Variants in PIEZO2 observed in about 807,000 individuals in gnomAD.
PIEZO2 encodes piezo type mechanosensitive ion channel component 2, also known as piezo-type mechanosensitive ion channel component 2.
In PIEZO2, 172 loss-of-function variants were observed where a neutral mutation model predicts 337.3. The ratio of observed to expected loss-of-function variants is 0.51; its 90% CI spans 0.45 to 0.58. The LOEUF (loss-of-function observed/expected upper bound fraction) is 0.58. Among genes scored for constraint, PIEZO2 ranks in the 20% least tolerant of loss-of-function variants. The pLI, the probability that PIEZO2 is intolerant of heterozygous loss-of-function variation, is 0.00. For missense variants in PIEZO2, 3,028 were observed against 3,391.3 expected (o/e 0.89, Z 2.66); for synonymous variants, 1,251 against 1,228.5 (o/e 1.02, Z -0.38).
chr18:10,807,116 G>C lies in PIEZO2; in HGVS notation c.1076C>G (p.Pro359Arg). 6.5e-7 allele frequency: 1 copy of C among 1,534,712 alleles called. No homozygotes were observed. Among genetic ancestry groups the C allele is most frequent in the Non-Finnish European group, 8.7e-7 (1 of 1,145,750 alleles). The change falls in exon 8 of 56, where the codon CCC becomes CGC. Residue 359 changes from proline (P) to arginine (R), a missense_variant. By Grantham distance (103) the Pro-to-Arg change is moderately radical. Around this residue, in one of 5 missense-constraint regions of PIEZO2, gnomAD observed 542 missense variants for 605.6 expected, o/e 0.89. Transcript: ENST00000674853. ...TGAAAATGTTTTTGTCCTTACAAGGGGCTCTTGCAGCCAGATGCGGATCAG... is the reference window on the plus strand; with the variant it reads ...TGAAAATGTTTTTGTCCTTACAAGGCGCTCTTGCAGCCAGATGCGGATCAG... ...ATLIRIWLQE[P>R]LVQDEGTKEE... is the part of the protein sequence containing the mutation.
intron 17 of PIEZO2, among the ~76,000 whole-genome samples, chr18:10,780,787 C>T (rs1278853938): frequency 6.6e-6 from 1 of 151,432 alleles, no homozygotes; most frequent in East Asian, 2.0e-4. Flanking sequence ...CTTAGCCTCC[C>T]AAGTGGCTGG....
intron 7 of PIEZO2, among the ~76,000 whole-genome samples, chr18:10,852,910 T>C (rs1315127589): frequency 6.6e-6 from 1 of 152,076 alleles, no homozygotes; most frequent in Non-Finnish European, 1.5e-5. Context: ...TTTTACACTG[T>C]TTCTCTAAAA....
chr18:11,058,295 CCAT>C (rs2037802596), intron 2 of PIEZO2, among the ~76,000 whole-genome samples: 1 of 152,066 alleles, frequency 6.6e-6, no homozygotes, highest in African/African-American at 2.4e-5. Context: ...CACCAAAACC[CCAT>C]CATCAAAGAC....
At chr18:10,844,813 C>T (rs1167562935) in intron 7 of PIEZO2, among the ~76,000 whole-genome samples, 1 of 148,630 alleles carries the variant, frequency 6.7e-6, no homozygotes, top group African/African-American at 2.5e-5. Context: ...AAAGTACCTA[C>T]CTCATAGGGT....
intron 29 of PIEZO2, among the ~76,000 whole-genome samples, chr18:10,749,160 A>G (rs933613154): frequency 1.3e-5 from 2 of 152,242 alleles, no homozygotes; most frequent in African/African-American, 2.4e-5. Context: ...TAAAAAAAAA[A>G]TTAATCTTTT....
intron 2 of PIEZO2, among the ~76,000 whole-genome samples, chr18:11,054,875 C>T (rs541387677): frequency 6.6e-6 from 1 of 152,244 alleles, no homozygotes; most frequent in Non-Finnish European, 1.5e-5. Context: ...GCACTCCTGC[C>T]TGAGAAACTG....
At chr18:10,697,723 A>G in intron 45 of PIEZO2, 25 bp downstream of exon 45, 1 of 1,609,422 alleles carries the variant, frequency 6.2e-7, no homozygotes. Flanking sequence ...TAAAGCACAC[A>G]TGCCATATGT....
intron 21 of PIEZO2, among the ~76,000 whole-genome samples, chr18:10,768,259 T>A (rs2038449943): frequency 6.6e-6 from 1 of 152,152 alleles, no homozygotes; most frequent in Non-Finnish European, 1.5e-5. Flanking sequence ...TAGGATTTTG[T>A]ATTTCTTAGG....
intron 2 of PIEZO2, among the ~76,000 whole-genome samples, chr18:11,055,437 G>A (rs2037695164): frequency 6.6e-6 from 1 of 152,126 alleles, no homozygotes; most frequent in South Asian, 2.1e-4. Context: ...GGGTATGTCA[G>A]CTTTAGTTAA....
chr18:10,702,215 G>T, intron 42 of PIEZO2, 44 bp from the exon 43 acceptor site: 1 of 1,501,010 alleles, frequency 6.7e-7, no homozygotes, highest in Non-Finnish European at 8.9e-7. Flanking sequence ...CTCCTTTTAG[G>T]AATAGATATA....
At chr18:10,725,423 C>G (rs2036494731) in intron 36 of PIEZO2, 1 of 1,602,940 alleles carries the variant, frequency 6.2e-7, no homozygotes, top group Non-Finnish European at 8.5e-7. Context: ...CCAGAGCCCG[C>G]CAGTACTGGT....
At chr18:11,066,495 A>T (rs549843206) in intron 1 of PIEZO2, among the ~76,000 whole-genome samples, 115 of 152,370 alleles carry the variant, frequency 7.5e-4, no homozygotes, top group African/African-American at 2.6e-3. Context: ...AACTATTGAA[A>T]ATAATAATAG....
At position 10,940,912 on chromosome 18, in the gene PIEZO2, T is replaced by C. The variant is rs1406355882; in HGVS notation, c.287-29684A>G. On this transcript the variant is annotated intron_variant, in intron 3 of 55. Transcript: ENST00000674853. The surrounding 1 kb of genome is among the most constrained non-coding windows in gnomAD (Gnocchi z 5.3). ...ATATATTTTCATGGTTACCCATTAC[T>C]ATAGCAAGGTTATAGAGAAAATATA... Among the ~76,000 whole-genome samples, 2 of 152,174 alleles carry C rather than the reference T, an allele frequency of 1.3e-5. No homozygotes were observed. Among genetic ancestry groups the C allele is most frequent in the African/African-American group, 4.8e-5 (2 of 41,436 alleles).
rs1056245480 is a variant in PIEZO2, at chr18:10,853,251, G to A, written c.917+2102C>T. Among the ~76,000 whole-genome samples the A allele has an allele frequency of 6.6e-6, 1 of 152,210 alleles. No homozygotes were observed. The highest frequency in any genetic ancestry group is 2.1e-4 in the South Asian group (1 of 4,836). ...CCCCCAGGGAAGAATCAGGGGAAAA[G>A]GGGCCCAAGACCCCGGAATCAAGCC... On this transcript the variant is annotated intron_variant, in intron 7 of 55. Transcript: ENST00000674853. This position sits in a 1 kb window ranked among gnomAD's most constrained non-coding sequence, Gnocchi z 4.2.
intron 7 of PIEZO2, among the ~76,000 whole-genome samples, chr18:10,811,363 G>A (rs2040184224): frequency 6.6e-6 from 1 of 152,146 alleles, no homozygotes. Context: ...CTTCCAAAAA[G>A]GGTGTATGTC....
At chr18:10,924,738 A>C (rs574009433) in intron 3 of PIEZO2, among the ~76,000 whole-genome samples, 2 of 152,282 alleles carry the variant, frequency 1.3e-5, no homozygotes, top group South Asian at 2.1e-4. Flanking sequence ...ATTTCAATGG[A>C]GCATTCTCAG....
intron 7 of PIEZO2, among the ~76,000 whole-genome samples, chr18:10,807,647 G>A (rs1357131671): frequency 6.6e-6 from 1 of 152,154 alleles, no homozygotes; most frequent in African/African-American, 2.4e-5. Context: ...GAAATGCCAA[G>A]TATGTGGTAA....
Position 11,048,323 on chromosome 18 carries a change from C to T in PIEZO2, c.160+17804G>A, listed in dbSNP as rs143013723. On this transcript the variant is annotated intron_variant, in intron 2 of 55. Transcript: ENST00000674853. This position sits in a 1 kb window ranked among gnomAD's most constrained non-coding sequence, Gnocchi z 4.5. The stretch of plus-strand genomic sequence containing the variant: ...CACAAGATTGAAAAGACCTGTCTTA[C>T]GGTTACTCATGGCTCTGGGGCCAAG... 1.4e-3 allele frequency among the ~76,000 whole-genome samples: 213 copies of T among 152,300 alleles called. No individual in the cohort carries two copies. The highest frequency in any genetic ancestry group is 2.3e-3 in the Non-Finnish European group (159 of 68,024).
At position 10,952,027 on chromosome 18, in the gene PIEZO2, G is replaced by A. The variant is rs459842; in HGVS notation, c.286+27508C>T. 0.56 allele frequency among the ~76,000 whole-genome samples: 85,435 copies of A among 151,932 alleles called. 24,293 individuals are homozygous for A. Among genetic ancestry groups the A allele is most frequent in the Admixed American group, 0.61 (9,325 of 15,268 alleles). Reference sequence around the variant, plus strand: ...TGAAACTGTCTCTGAAACATTATCTGATTTGGCCTCCACAATAGCTCTTGG... The same window carrying A: ...TGAAACTGTCTCTGAAACATTATCTAATTTGGCCTCCACAATAGCTCTTGG... On this transcript the variant is annotated intron_variant, in intron 3 of 55. Coordinates refer to ENST00000674853, the MANE Select transcript of PIEZO2 (RefSeq NM_001378183.1). The surrounding 1 kb of genome is among the most constrained non-coding windows in gnomAD (Gnocchi z 4.1).
Sources: gnomAD v4.1 joint callset for allele counts (sites outside exome capture counted in the v4.1 genomes callset) on GRCh38, gnomAD v4.1.1 for gene constraint, gnomAD v4.1.1 regional missense constraint, Gnocchi (gnomAD v3.1) non-coding constraint, MANE v1.5 for transcripts, NCBI Gene and HGNC (gene_info 2026-07-23, HGNC 2026-07-21) for gene names.